The following CIRSR variants were observed in gnomAD, a reference collection of about 807,000 sequenced individuals.
The protein encoded by CIRSR is corepressor of RBPJ and splicing regulator.
chr2:174,360,804 C>T, the CIRSR span, among the ~76,000 whole-genome samples: 5 of 152,052 alleles, frequency 3.3e-5, no homozygotes, highest in Admixed American at 1.3e-4. Flanking sequence ...AATTTAATTA[C>T]AAAATTATAA....
At chr2:174,386,219 T>A in the CIRSR span, among the ~76,000 whole-genome samples, 4 of 152,188 alleles carry the variant, frequency 2.6e-5, no homozygotes, top group Non-Finnish European at 5.9e-5. Context: ...TTCGCTCTTG[T>A]TGGCCACGCT....
chr2:174,380,513 C>T, the CIRSR span: 1 of 788,088 alleles, frequency 1.3e-6, no homozygotes, highest in South Asian at 1.9e-5. Context: ...TTGAATAAGA[C>T]AGCTAATTAA....
chr2:174,372,395 T>C, the CIRSR span, among the ~76,000 whole-genome samples: 2 of 152,242 alleles, frequency 1.3e-5, no homozygotes, highest in Admixed American at 6.5e-5. Flanking sequence ...TCTGTCTCTC[T>C]GTCTACATGT....
chr2:174,376,550 G>A, the CIRSR span, among the ~76,000 whole-genome samples: 1 of 149,324 alleles, frequency 6.7e-6, no homozygotes, highest in Non-Finnish European at 1.5e-5. Context: ...GTAATCCCAG[G>A]ACTTTGGGAG....
At chr2:174,350,944 G>A in the CIRSR span, among the ~76,000 whole-genome samples, 1 of 152,166 alleles carries the variant, frequency 6.6e-6, no homozygotes, top group Non-Finnish European at 1.5e-5. Context: ...GCACTAAGAG[G>A]TTAACATGAC....
At chr2:174,378,471 T>C in the CIRSR span, among the ~76,000 whole-genome samples, 2 of 152,208 alleles carry the variant, frequency 1.3e-5, no homozygotes, top group Non-Finnish European at 2.9e-5. Flanking sequence ...TAGACAGTAA[T>C]ATGTAGGACA....
chr2:174,390,052 C>G, the CIRSR span, among the ~76,000 whole-genome samples: 7 of 152,198 alleles, frequency 4.6e-5, no homozygotes, highest in Non-Finnish European at 7.3e-5. Context: ...AGCCCCCACA[C>G]AGAGTCCCTA....
chr2:174,395,572 G>A, the CIRSR span: 4 of 1,614,188 alleles, frequency 2.5e-6, no homozygotes, highest in Admixed American at 6.7e-5. Context: ...TGGATTTGGA[G>A]GCAGGATGAA....
At chr2:174,388,518 C>T in the CIRSR span, among the ~76,000 whole-genome samples, 1 of 152,010 alleles carries the variant, frequency 6.6e-6, no homozygotes, top group Non-Finnish European at 1.5e-5. Flanking sequence ...TGCTTTATAG[C>T]AAGTTTGGGT....
At chr2:174,385,974 G>A in the CIRSR span, among the ~76,000 whole-genome samples, 1 of 152,052 alleles carries the variant, frequency 6.6e-6, no homozygotes, top group African/African-American at 2.4e-5. Context: ...GAGAAACAGG[G>A]TATTTGCAGG....
the CIRSR span, chr2:174,369,849 C>A: frequency 9.3e-7 from 1 of 1,071,286 alleles, no homozygotes; most frequent in Non-Finnish European, 1.2e-6. Context: ...TCAAAGATCA[C>A]TGAGCACAGA....
the CIRSR span, among the ~76,000 whole-genome samples, chr2:174,394,375 A>G: frequency 2.9e-3 from 441 of 152,286 alleles, 2 homozygotes; most frequent in African/African-American, 9.8e-3. Flanking sequence ...AAAGTTATTG[A>G]GCCAACCAAA....
At chr2:174,349,536 G>C in the CIRSR span, among the ~76,000 whole-genome samples, 1 of 130,886 alleles carries the variant, frequency 7.6e-6, no homozygotes, top group Non-Finnish European at 1.6e-5. Context: ...CTGCACTCCA[G>C]CTTGGGCAAA....
chr2:174,366,390 A>G, the CIRSR span, among the ~76,000 whole-genome samples: 1 of 152,168 alleles, frequency 6.6e-6, no homozygotes, highest in Non-Finnish European at 1.5e-5. Context: ...ATCTATACCT[A>G]AGCATATCAC....
chr2:174,381,046 G>C, the CIRSR span, among the ~76,000 whole-genome samples: 1 of 151,932 alleles, frequency 6.6e-6, no homozygotes. Flanking sequence ...ACTTTTCACT[G>C]TTCATTGACA....
At chr2:174,381,379 G>A in the CIRSR span, among the ~76,000 whole-genome samples, 26 of 152,300 alleles carry the variant, frequency 1.7e-4, no homozygotes, top group African/African-American at 6.0e-4. Flanking sequence ...AGGAGGCCAG[G>A]TGCGGTGGCT....
the CIRSR span, among the ~76,000 whole-genome samples, chr2:174,362,795 A>G: frequency 6.6e-6 from 1 of 151,406 alleles, no homozygotes; most frequent in Admixed American, 6.6e-5. Flanking sequence ...ACAGAGTATT[A>G]TAGCTTGCTG....
the CIRSR span, among the ~76,000 whole-genome samples, chr2:174,386,473 C>T: frequency 2.0e-5 from 3 of 151,562 alleles, no homozygotes; most frequent in Non-Finnish European, 1.5e-5. Context: ...TGAGCCACTG[C>T]GCCCGACCAA....
chr2:174,387,837 T>C, the CIRSR span: 1 of 1,434,314 alleles, frequency 7.0e-7, no homozygotes, highest in Non-Finnish European at 9.4e-7. Context: ...AAACAAACTT[T>C]GCTTTTCTTG....
Sources: gnomAD v4.1 joint callset for allele counts (sites outside exome capture counted in the v4.1 genomes callset) on GRCh38, gnomAD v4.1.1 for gene constraint, MANE v1.5 for transcripts, NCBI Gene and HGNC (gene_info 2026-07-23, HGNC 2026-07-21) for gene names.